The following CEP192 variants were observed in gnomAD, a reference collection of about 807,000 sequenced individuals.
CEP192 encodes the protein centrosomal protein 192.
CEP192 carries 151 observed loss-of-function variants against 271.8 expected under a neutral mutation model. That is an observed-to-expected ratio of 0.56 (90% CI 0.49 to 0.64). The LOEUF (loss-of-function observed/expected upper bound fraction) is 0.64, where lower values mean the gene tolerates loss of function less well. CEP192 is among the 30% of genes least tolerant of loss of function. The pLI, the probability that CEP192 is intolerant of heterozygous loss-of-function variation, is 0.00. For synonymous variants in CEP192, 995 were observed against 1,076.5 expected (o/e 0.92, Z 1.48); for missense variants, 2,910 against 3,020.5 (o/e 0.96, Z 0.86).
intron 18 of CEP192, among the ~76,000 whole-genome samples, chr18:13,053,660 A>G (rs2036925307): frequency 6.6e-6 from 1 of 152,138 alleles, no homozygotes; most frequent in African/African-American, 2.4e-5. Flanking sequence ...GCTTTTTAGC[A>G]GGTCACTGTC....
Position 13,095,622 on chromosome 18 carries a change from C to T in CEP192, c.6374C>T (p.Ala2125Val). 6 of 1,614,240 alleles carry T rather than the reference C, an allele frequency of 3.7e-6. No individual in the cohort carries two copies. Among genetic ancestry groups the T allele is most frequent in the Non-Finnish European group, 5.1e-6 (6 of 1,180,040 alleles). Residue 2125 changes from alanine to valine, a missense_variant, in exon 35 of 45, where the codon GCC (alanine) becomes GTC (valine). Coordinates refer to ENST00000506447, the MANE Select transcript of CEP192 (RefSeq NM_032142.4). Reference protein sequence around the residue: ...RAARPPLDQLASEEPWTVLPE... With the variant: ...RAARPPLDQLVSEEPWTVLPE... The stretch of plus-strand genomic sequence containing the variant: ...GCTCGCCCGCCTCTGGATCAGCTGG[C>T]CTCCGAAGAGCCGTGGACTGTCCTA...
Position 13,056,285 on chromosome 18 carries a change from C to T in CEP192, c.3695C>T (p.Thr1232Ile), listed in dbSNP as rs73950982. 3.1e-6 allele frequency: 5 copies of T among 1,613,974 alleles called. No homozygotes were observed. The highest frequency in any genetic ancestry group is 1.3e-5 in the African/African-American group (1 of 75,080). Residue 1232 changes from threonine to isoleucine, a missense_variant, in exon 19 of 45, where the codon ACA becomes ATA. Thr to Ile is a moderately conservative substitution (Grantham distance 89, BLOSUM62 -1). Transcript: ENST00000506447. Reference sequence around the variant, plus strand: ...CAGTGTACTCCTATTCCCAGCAGCACAGTTCACAGCTCTGTGGCTGACATG... The same window carrying T: ...CAGTGTACTCCTATTCCCAGCAGCATAGTTCACAGCTCTGTGGCTGACATG... The part of the protein sequence containing the change: ...ENQCTPIPSS[T>I]VHSSVADMQN...
chr18:13,023,374 G>A (rs1359037616), intron 9 of CEP192, among the ~76,000 whole-genome samples: 1 of 151,918 alleles, frequency 6.6e-6, no homozygotes, highest in African/African-American at 2.4e-5. Flanking sequence ...TATGATGCTA[G>A]CTATAGGTTT....
At chr18:13,108,782 G>A (rs2040073107) in intron 40 of CEP192, among the ~76,000 whole-genome samples, 1 of 152,200 alleles carries the variant, frequency 6.6e-6, no homozygotes, top group Admixed American at 6.5e-5. Context: ...GGCTGAGGTG[G>A]AAGGATCACG....
At chr18:13,007,921 G>C (rs2034083122) in intron 3 of CEP192, among the ~76,000 whole-genome samples, 2 of 152,208 alleles carry the variant, frequency 1.3e-5, no homozygotes, top group Non-Finnish European at 2.9e-5. Context: ...GTGGTGAGCT[G>C]CTCTAGACCC....
At chr18:13,003,192 T>A (rs34302481) in intron 3 of CEP192, among the ~76,000 whole-genome samples, 38,771 of 152,084 alleles carry the variant, frequency 0.25, 5,972 homozygotes, top group Admixed American at 0.36. Context: ...CTCTTGCCTG[T>A]AATCCCAACA....
intron 26 of CEP192, 32 bp from the exon 27 acceptor site, chr18:13,069,706 G>A (rs751899478): frequency 5.5e-6 from 7 of 1,279,702 alleles, no homozygotes; most frequent in Non-Finnish European, 7.9e-6. Context: ...TTGTAAGTCG[G>A]CATTCAATTA....
intron 34 of CEP192, among the ~76,000 whole-genome samples, chr18:13,094,963 T>A (rs2039320317): frequency 6.6e-6 from 1 of 152,226 alleles, no homozygotes; most frequent in South Asian, 2.1e-4. Context: ...CTGAGCCCAG[T>A]GCTGCTGACG....
At chr18:13,095,373 A>T in intron 34 of CEP192, 130 bp from the exon 35 acceptor site, 1 of 724,698 alleles carries the variant, frequency 1.4e-6, no homozygotes. Flanking sequence ...ACTCACTTTT[A>T]ACTTTGTCTT....
intron 17 of CEP192, 72 bp downstream of exon 17, chr18:13,049,963 A>G (rs1277735126): frequency 7.9e-7 from 1 of 1,268,302 alleles, no homozygotes; most frequent in Non-Finnish European, 1.1e-6. Flanking sequence ...AAAATGTGTA[A>G]AGAAGAAAAA....
At chr18:12,997,571 T>G (rs1366933935) in intron 1 of CEP192, among the ~76,000 whole-genome samples, 2 of 152,142 alleles carry the variant, frequency 1.3e-5, no homozygotes, top group Non-Finnish European at 1.5e-5. Context: ...GGAGGAGAGA[T>G]AAGGCTTACT....
At chr18:13,081,583 C>A (rs929263926) in intron 30 of CEP192, among the ~76,000 whole-genome samples, 5 of 152,150 alleles carry the variant, frequency 3.3e-5, no homozygotes, top group Non-Finnish European at 7.3e-5. Flanking sequence ...TTTCAAAAAA[C>A]CAGCTCCTGG....
rs966105046 is a variant in CEP192, at chr18:13,059,453, A to G, written c.4488+141A>G. 279 of 631,592 alleles carry G rather than the reference A, an allele frequency of 4.4e-4. 6 individuals carry two copies. Among genetic ancestry groups the G allele is most frequent in the Non-Finnish European group, 8.3e-5 (30 of 360,334 alleles). The allele number at this position is 631,592 out of a possible 1,614,324, so 39.1% of individuals were successfully genotyped here. A position where few individuals can be genotyped will look rare whatever the true frequency, so the allele number is the denominator to read the frequency against. ...TTCAAGCTGAACTTTGGTTCTTAAT[A>G]TCTTTTTATTTCAAAATTTAAAATT... On this transcript the variant is annotated intron_variant, in intron 21 of 44. Transcript: ENST00000506447.
At chr18:13,001,685 T>G (rs2033654482) in intron 3 of CEP192, 103 bp downstream of exon 3, 2 of 1,178,258 alleles carry the variant, frequency 1.7e-6, no homozygotes, top group Admixed American at 6.6e-5. Flanking sequence ...TTCTGATTAA[T>G]TCTAAGAATC....
At chr18:13,004,092 A>C (rs1199939383) in intron 3 of CEP192, among the ~76,000 whole-genome samples, 1 of 152,194 alleles carries the variant, frequency 6.6e-6, no homozygotes, top group Non-Finnish European at 1.5e-5. Flanking sequence ...TGACCCTTGG[A>C]ATTAGCATAG....
At chr18:13,050,997 G>A (rs2036756554) in intron 17 of CEP192, among the ~76,000 whole-genome samples, 1 of 152,238 alleles carries the variant, frequency 6.6e-6, no homozygotes. Context: ...TTTCCCTTAT[G>A]TTTCTTATAG....
intron 11 of CEP192, among the ~76,000 whole-genome samples, chr18:13,032,922 GA>G (rs887240867): frequency 1.3e-5 from 2 of 151,908 alleles, no homozygotes; most frequent in Admixed American, 6.6e-5. Flanking sequence ...AGCTGACTAA[GA>G]ACACACACTC....
chr18:13,076,607 TC>T, intron 30 of CEP192, among the ~76,000 whole-genome samples: 1 of 152,354 alleles, frequency 6.6e-6, no homozygotes, highest in South Asian at 2.1e-4. Context: ...ATGAGTGTTT[TC>T]AAAGGTACCT....
chr18:13,001,407 A>G, intron 2 of CEP192, 50 bp from the exon 3 acceptor site: 1 of 1,334,462 alleles, frequency 7.5e-7, no homozygotes, highest in African/African-American at 1.5e-5. Context: ...ATGACATTTA[A>G]ATATGTGTAA....
Sources: allele counts gnomAD v4.1 joint callset (sites outside exome capture counted in the v4.1 genomes callset), GRCh38; gene constraint gnomAD v4.1.1; transcripts MANE v1.5; gene names NCBI Gene and HGNC (gene_info 2026-07-23, HGNC 2026-07-21).